The following PRDM15 variants were observed in gnomAD, a reference collection of about 807,000 sequenced individuals.
PRDM15 encodes the protein PR/SET domain 15, also known as PR domain zinc finger protein 15.
A neutral mutation model predicts 128.6 loss-of-function variants in PRDM15; 64 were observed. The observed-to-expected ratio is 0.50, with a 90% CI of 0.41 to 0.61. PRDM15 has a LOEUF of 0.61. Ranked by LOEUF, PRDM15 falls within the 20% of genes least tolerant of loss-of-function variation. The probability of loss-of-function intolerance (pLI) is 0.00; values close to 1 mark genes in which losing one functional copy is unlikely to be tolerated. For synonymous variants in PRDM15, 615 were observed against 621.8 expected (o/e 0.99, Z 0.16); for missense variants, 1,242 against 1,569.1 (o/e 0.79, Z 3.52).
intron 11 of PRDM15, chr21:41,834,695 G>A (rs1395146795): frequency 1.4e-6 from 1 of 700,116 alleles, no homozygotes; most frequent in Admixed American, 2.2e-5. Context: ...ATCCCAGAGG[G>A]TGCACGTCAT....
At chr21:41,808,242 CTA>C (rs2061743371) in intron 21 of PRDM15, among the ~76,000 whole-genome samples, 1 of 152,188 alleles carries the variant, frequency 6.6e-6, no homozygotes, top group Non-Finnish European at 1.5e-5. Context: ...CTTCGGGTTC[CTA>C]CTCCCCCGAC....
At chr21:41,827,652 T>C (rs2062517174) in intron 12 of PRDM15, among the ~76,000 whole-genome samples, 1 of 152,236 alleles carries the variant, frequency 6.6e-6, no homozygotes, top group Non-Finnish European at 1.5e-5. Context: ...GGGTTCTACT[T>C]TACACAGGAC....
chr21:41,822,484 G>A (rs1053540027), intron 14 of PRDM15, among the ~76,000 whole-genome samples: 5 of 152,232 alleles, frequency 3.3e-5, no homozygotes, highest in East Asian at 1.9e-4. Flanking sequence ...TGCCAGCACC[G>A]GGCTGAGAAG....
In PRDM15 at chr21:41,859,069, G is replaced by A. The variant is rs749177028; in HGVS notation, c.131+523C>T. The A allele has an allele frequency of 4.4e-6, 7 of 1,579,910 alleles. No homozygotes were observed. In the Admixed American group the frequency reaches 7.4e-5, roughly 17 times the overall value. On this transcript the variant is annotated intron_variant, in intron 3 of 23. Coordinates refer to ENST00000398548, the MANE Select transcript of PRDM15 (RefSeq NM_001040424.3). This position sits in a 1 kb window ranked among gnomAD's most constrained non-coding sequence, Gnocchi z 5.3. The stretch of plus-strand genomic sequence containing the variant: ...CCAGGTGGCACAGCCTCCCCCAGGT[G>A]AGGGTGGAACGGCAGGGCAGCTGCT...
Position 41,859,037 on chromosome 21 carries a change from T to G in PRDM15, c.131+555A>C. On this transcript the variant is annotated intron_variant, in intron 3 of 23. Transcript: ENST00000398548. The surrounding 1 kb of genome is among the most constrained non-coding windows in gnomAD (Gnocchi z 5.3). ...GTGCCTTGTCCAAGCTCACCTGCCCTGGGCCACCAGGTGGCACAGCCTCCC... is the reference window on the plus strand; with the variant it reads ...GTGCCTTGTCCAAGCTCACCTGCCCGGGGCCACCAGGTGGCACAGCCTCCC... 1.3e-6 allele frequency: 2 copies of G among 1,556,690 alleles called. No individual in the cohort carries two copies. Among genetic ancestry groups the G allele is most frequent in the Non-Finnish European group, 1.7e-6 (2 of 1,150,432 alleles).
At chr21:41,802,428 T>C (rs911050051) in intron 23 of PRDM15, among the ~76,000 whole-genome samples, 1 of 152,174 alleles carries the variant, frequency 6.6e-6, no homozygotes, top group Non-Finnish European at 1.5e-5. Flanking sequence ...CTCCCCAAAC[T>C]GCAAACAGCC....
rs1212305093 is a variant in PRDM15, at chr21:41,874,522, TA to T, written c.-10+4747del. On this transcript the variant is annotated intron_variant, in intron 1 of 23. Coordinates refer to ENST00000398548, the MANE Select transcript of PRDM15 (RefSeq NM_001040424.3). The stretch of plus-strand genomic sequence containing the variant: ...GCATGCATATATATATATATATATA[TA>T]TATTTTTTTTTTTTTTTGAAACTTA... Among the ~76,000 whole-genome samples, 88 of 64,726 alleles carry T rather than the reference TA, an allele frequency of 1.4e-3. 1 individual carries two copies. The highest frequency in any genetic ancestry group is 1.0e-2 in the East Asian group (26 of 2,604). 42.5% of individuals were successfully genotyped at this position (64,726 alleles called of 152,430 possible).
At chr21:41,858,905 G>A (rs1443578409) in intron 3 of PRDM15, 15 of 667,346 alleles carry the variant, frequency 2.2e-5, no homozygotes, top group African/African-American at 2.0e-4. Flanking sequence ...GAAAGACGGC[G>A]GCCACCTGTG....
In PRDM15 at chr21:41,821,933, C is replaced by T; in HGVS notation, c.1866G>A (p.Glu622=). The change falls in exon 15 of 24, where the codon GAG becomes GAA. Residue 622 remains glutamate (E), a synonymous_variant. Coordinates refer to ENST00000398548, the MANE Select transcript of PRDM15 (RefSeq NM_001040424.3). The surrounding 1 kb of genome is among the most constrained non-coding windows in gnomAD (Gnocchi z 5.4). ...ACCGCTTGCAGCTGTACTTGTGAGGCTCCGAGTCTGCGCTCTCGTCAGAAT... is the reference window on the plus strand; with the variant it reads ...ACCGCTTGCAGCTGTACTTGTGAGGTTCCGAGTCTGCGCTCTCGTCAGAAT... ...DDNSDESADS[E]PHKYSCKRCQ... The T allele has an allele frequency of 6.2e-7, 1 of 1,614,204 alleles. No homozygotes were observed. Among genetic ancestry groups the T allele is most frequent in the Non-Finnish European group, 8.5e-7 (1 of 1,180,054 alleles).
intron 1 of PRDM15, among the ~76,000 whole-genome samples, chr21:41,874,525 A>ATATATATATATTT: frequency 1.0e-5 from 1 of 95,822 alleles, no homozygotes; most frequent in Non-Finnish European, 2.0e-5. Context: ...ATATATATAT[A>ATATATATATATTT]TTTTTTTTTT....
chr21:41,834,482 C>T lies in PRDM15; in HGVS notation c.1366+955G>A, dbSNP rs542138058. The T allele has an allele frequency of 6.3e-5, 97 of 1,547,070 alleles. No homozygotes were observed. In the East Asian group the frequency reaches 7.8e-4, roughly 12 times the overall value. On this transcript the variant is annotated intron_variant, in intron 11 of 23. Coordinates refer to ENST00000398548, the MANE Select transcript of PRDM15 (RefSeq NM_001040424.3). Reference sequence around the variant, plus strand: ...CAGACACAGAGCAGGCGGACAAGGACGGGGTGGGCGTCGAAGGCTAACCTG... The same window carrying T: ...CAGACACAGAGCAGGCGGACAAGGATGGGGTGGGCGTCGAAGGCTAACCTG...
At chr21:41,835,940 G>C (rs1054413914) in intron 10 of PRDM15, among the ~76,000 whole-genome samples, 173 bp downstream of exon 10, 23 of 43,834 alleles carry the variant, frequency 5.2e-4, no homozygotes, top group Admixed American at 9.1e-4. Flanking sequence ...ACAGGGTTTG[G>C]CCGCTCTCCT....
At position 41,823,370 on chromosome 21, in the gene PRDM15, C is replaced by T. The variant is rs750430962; in HGVS notation, c.1709G>A (p.Arg570His). Residue 570 changes from arginine (R) to histidine (H), a missense_variant, in exon 14 of 24, where the codon CGC (arginine) becomes CAC (histidine). By Grantham distance (29) the Arg-to-His change is conservative. Transcript: ENST00000398548. ...DKKYTCEICG[R>H]KFFRVDVLRD... The stretch of plus-strand genomic sequence containing the variant: ...GAGCACATCCACGCGGAAGAACTTG[C>T]GCCCGCAGATCTCGCAGGTGTACTT... 5.0e-6 allele frequency: 8 copies of T among 1,595,922 alleles called. No individual in the cohort carries two copies. The highest frequency in any genetic ancestry group is 1.3e-5 in the African/African-American group (1 of 74,408).
At position 41,801,631 on chromosome 21, in the gene PRDM15, G is replaced by A. The variant is rs2061420032; in HGVS notation, c.3035C>T (p.Ala1012Val). The A allele has an allele frequency of 6.2e-7, 1 of 1,614,190 alleles. No homozygotes were observed. The highest frequency in any genetic ancestry group is 8.5e-7 in the Non-Finnish European group (1 of 1,180,032). ...CTGGAGATTGGTAAACTGAGTCGCG[G>A]CCGCAGTGGTGATGGGGGTCACGGT... ...NITVTPITTA[A>V]ATQFTNLQPV... Residue 1012 changes from alanine (A) to valine (V), a missense_variant, in exon 24 of 24, where the codon GCC (alanine) becomes GTC (valine). Around this residue, in one of 3 missense-constraint regions of PRDM15, gnomAD observed 602 missense variants for 788.3 expected, o/e 0.76. Transcript: ENST00000398548.
At chr21:41,853,140 C>T (rs1007518140) in intron 5 of PRDM15, among the ~76,000 whole-genome samples, 6 of 152,184 alleles carry the variant, frequency 3.9e-5, no homozygotes, top group Admixed American at 2.0e-4. Context: ...ACATTTCTGA[C>T]GTGAAGGCAC....
Position 41,859,485 on chromosome 21 carries a change from T to A in PRDM15, c.131+107A>T. The A allele has an allele frequency of 1.1e-6, 1 of 902,896 alleles. No individual in the cohort carries two copies. Among genetic ancestry groups the A allele is most frequent in the Non-Finnish European group, 1.7e-6 (1 of 586,284 alleles). 55.9% of individuals were successfully genotyped at this position (902,896 alleles called of 1,614,324 possible). ...ATCGCTGGCTCTCACTCAGAGTGCC[T>A]CTGTTCTCCCTCAGGCTCCTTCCTC... On this transcript the variant is annotated intron_variant, in intron 3 of 23. Transcript: ENST00000398548. This position sits in a 1 kb window ranked among gnomAD's most constrained non-coding sequence, Gnocchi z 5.3.
intron 6 of PRDM15, among the ~76,000 whole-genome samples, chr21:41,844,406 C>G (rs1387928629): frequency 2.2e-5 from 3 of 138,446 alleles, no homozygotes; most frequent in Non-Finnish European, 3.2e-5. Context: ...CCCCTCCCCC[C>G]TCACAGGGAC....
intron 18 of PRDM15, among the ~76,000 whole-genome samples, chr21:41,817,588 C>T (rs1028287917): frequency 1.3e-5 from 2 of 152,112 alleles, no homozygotes; most frequent in African/African-American, 4.8e-5. Flanking sequence ...AACAAAACAA[C>T]CAGAAACTTT....
At chr21:41,849,492 C>T (rs1021263314) in intron 5 of PRDM15, among the ~76,000 whole-genome samples, 5 of 151,470 alleles carry the variant, frequency 3.3e-5, no homozygotes, top group African/African-American at 7.3e-5. Context: ...TGCTCGAACT[C>T]GGGAGGTGGA....
Sources: gnomAD v4.1 joint callset for allele counts (sites outside exome capture counted in the v4.1 genomes callset) on GRCh38, gnomAD v4.1.1 for gene constraint, gnomAD v4.1.1 regional missense constraint, Gnocchi (gnomAD v3.1) non-coding constraint, MANE v1.5 for transcripts, NCBI Gene and HGNC (gene_info 2026-07-23, HGNC 2026-07-21) for gene names.